ITGA8: variants seen among roughly 807,000 people sequenced by gnomAD.
ITGA8 encodes integrin alpha-8.
A neutral mutation model predicts 142.3 loss-of-function variants in ITGA8; 91 were observed. The ratio of observed to expected loss-of-function variants is 0.64; its 90% CI spans 0.54 to 0.76. The LOEUF is 0.76. Among genes scored for constraint, ITGA8 ranks in the 30% least tolerant of loss-of-function variants. The pLI is 0.00. For missense variants in ITGA8, 1,406 were observed against 1,327.7 expected, an observed-to-expected ratio of 1.06 and a Z score of -0.92; for synonymous variants, 505 against 485.2, an observed-to-expected ratio of 1.04 and a Z score of -0.54.
At chr10:15,581,991 C>T (rs1348346818) in intron 23 of ITGA8, among the ~76,000 whole-genome samples, 1 of 152,208 alleles carries the variant, frequency 6.6e-6, no homozygotes. Context: ...GTAATCCTAG[C>T]ACTTTGGGAG....
intron 28 of ITGA8, 27 bp from the exon 29 acceptor site, chr10:15,519,439 C>A: frequency 1.2e-6 from 2 of 1,611,882 alleles, no homozygotes; most frequent in Non-Finnish European, 1.7e-6. Flanking sequence ...AGCAAATGAG[C>A]TCTAATGCGA....
intron 28 of ITGA8, among the ~76,000 whole-genome samples, chr10:15,528,901 A>T (rs1054541187): frequency 2.6e-5 from 4 of 152,120 alleles, no homozygotes; most frequent in Non-Finnish European, 4.4e-5. Context: ...ATACCACCGA[A>T]GTTTACTGAA....
At chr10:15,658,883 A>G in intron 10 of ITGA8, 116 bp downstream of exon 10, 1 of 715,418 alleles carries the variant, frequency 1.4e-6, no homozygotes, top group Non-Finnish European at 2.4e-6. Context: ...GACAGTTTCC[A>G]GTACGTAGTA....
At chr10:15,634,313 C>G (rs950715853) in intron 13 of ITGA8, among the ~76,000 whole-genome samples, 13 of 151,892 alleles carry the variant, frequency 8.6e-5, no homozygotes, top group Non-Finnish European at 1.8e-4. Flanking sequence ...TCATTTATAA[C>G]TAATATTTAG....
chr10:15,649,159 T>C (rs1834040504), intron 11 of ITGA8, among the ~76,000 whole-genome samples: 1 of 152,128 alleles, frequency 6.6e-6, no homozygotes, highest in African/African-American at 2.4e-5. Context: ...TGCTTGGTGC[T>C]AGGGGCATTC....
intron 10 of ITGA8, among the ~76,000 whole-genome samples, chr10:15,657,571 A>G (rs957471776): frequency 4.0e-5 from 5 of 124,842 alleles, no homozygotes; most frequent in Non-Finnish European, 7.9e-5. Context: ...CAGGCTGGTC[A>G]TGAGCTCCAG....
At chr10:15,578,272 C>T (rs1429964086) in intron 23 of ITGA8, among the ~76,000 whole-genome samples, 1 of 152,064 alleles carries the variant, frequency 6.6e-6, no homozygotes, top group Non-Finnish European at 1.5e-5. Flanking sequence ...TGGAATCATA[C>T]AGGATGCAAT....
At chr10:15,655,274 G>T in intron 11 of ITGA8, 80 bp downstream of exon 11, 1 of 938,896 alleles carries the variant, frequency 1.1e-6, no homozygotes, top group Non-Finnish European at 1.7e-6. Flanking sequence ...ATAAGGAAGG[G>T]TGTATTTTGT....
intron 28 of ITGA8, among the ~76,000 whole-genome samples, chr10:15,528,996 T>TTCTTCCCTTCCC (rs1174617791): frequency 4.9e-5 from 6 of 121,938 alleles, no homozygotes; most frequent in Non-Finnish European, 6.9e-5. Context: ...CTTTCCTTCC[T>TTCTTCCCTTCCC]TCTTCCCTTC....
intron 13 of ITGA8, among the ~76,000 whole-genome samples, chr10:15,616,851 A>G (rs1455267399): frequency 6.6e-6 from 1 of 152,164 alleles, no homozygotes; most frequent in African/African-American, 2.4e-5. Flanking sequence ...GGTTCAAGGC[A>G]TATACACCCA....
intron 11 of ITGA8, among the ~76,000 whole-genome samples, chr10:15,650,812 CTA>C (rs1472569385): frequency 2.0e-5 from 3 of 152,038 alleles, no homozygotes; most frequent in Non-Finnish European, 2.9e-5. Flanking sequence ...GATTAGTGGA[CTA>C]TATAGTAAAT....
At chr10:15,597,032 AC>A (rs1460557845) in intron 21 of ITGA8, 174 bp downstream of exon 21, 6 of 588,834 alleles carry the variant, frequency 1.0e-5, no homozygotes, top group Non-Finnish European at 1.8e-5. Context: ...TTAGCTTGAG[AC>A]GATTCACTCT....
chr10:15,684,156 A>C, intron 3 of ITGA8, 29 bp from the exon 4 acceptor site: 1 of 1,594,752 alleles, frequency 6.3e-7, no homozygotes, highest in South Asian at 1.1e-5. Context: ...AAAAAAATAC[A>C]TTTTTGATGT....
rs772410258 is a variant in ITGA8 at position 15,646,882 on chromosome 10, C to A, written c.1171G>T (p.Ala391Ser). ...ETFGRFGSAM[A>S]HLGDLNQDGY... ...TCTTGGTTCAGGTCTCCTAAGTGTG[C>A]CATAGCACTACCGAATCTCCCAAAC... The change falls in exon 12 of 30, where the codon GCA becomes TCA. Residue 391 changes from alanine (A) to serine (S), a missense_variant. Transcript: ENST00000378076. The A allele has an allele frequency of 1.2e-6, 2 of 1,613,890 alleles. No homozygotes were observed.
chr10:15,561,993 T>C (rs1564352628), intron 25 of ITGA8, among the ~76,000 whole-genome samples: 2 of 152,140 alleles, frequency 1.3e-5, no homozygotes, highest in South Asian at 2.1e-4. Flanking sequence ...CAGACACTTA[T>C]AAAAACATCA....
intron 13 of ITGA8, among the ~76,000 whole-genome samples, chr10:15,628,116 C>A (rs1741221656): frequency 6.6e-6 from 1 of 151,852 alleles, no homozygotes; most frequent in South Asian, 2.1e-4. Flanking sequence ...ACGGGAGGAA[C>A]CCTCAGTTCT....
intron 15 of ITGA8, 77 bp downstream of exon 15, chr10:15,613,583 C>A: frequency 3.8e-6 from 4 of 1,054,612 alleles, no homozygotes; most frequent in Non-Finnish European, 5.9e-6. Flanking sequence ...CTTACTGAAT[C>A]CAAATCTGTA....
At chr10:15,522,917 C>T (rs1454128880) in intron 28 of ITGA8, among the ~76,000 whole-genome samples, 1 of 151,832 alleles carries the variant, frequency 6.6e-6, no homozygotes, top group East Asian at 1.9e-4. Flanking sequence ...GAGGCTGAGG[C>T]AGGAGAATCA....
At chr10:15,567,553 C>T (rs895297260) in intron 25 of ITGA8, among the ~76,000 whole-genome samples, 1 of 152,204 alleles carries the variant, frequency 6.6e-6, no homozygotes, top group African/African-American at 2.4e-5. Context: ...GGAGACCCTT[C>T]CCGGGCATCT....
Sources: allele counts gnomAD v4.1 joint callset (sites outside exome capture counted in the v4.1 genomes callset), GRCh38; gene constraint gnomAD v4.1.1; transcripts MANE v1.5; gene names NCBI Gene and HGNC (gene_info 2026-07-23, HGNC 2026-07-21).